Variants in CREBBP observed in about 807,000 individuals in gnomAD.
CREBBP encodes the protein CREB-binding protein.
Under a neutral mutation model 265.0 loss-of-function variants are expected in CREBBP, and 19 were observed. That is an observed-to-expected ratio of 0.07 (90% confidence interval 0.05 to 0.11). The LOEUF is 0.11. CREBBP is among the 10% of genes least tolerant of loss of function. CREBBP has a pLI of 1.00. For synonymous variants in CREBBP, 1,457 were observed against 1,223.7 expected (o/e 1.19, Z -3.98); for missense variants, 2,525 against 3,219.0 (o/e 0.78, Z 5.22).
intron 16 of CREBBP, among the ~76,000 whole-genome samples, chr16:3,761,403 C>T (rs1248763676): frequency 6.6e-6 from 1 of 152,156 alleles, no homozygotes; most frequent in Non-Finnish European, 1.5e-5. Context: ...TGGGGATGGT[C>T]TAACTTGACA....
chr16:3,744,208 C>T (rs995613552), intron 23 of CREBBP, among the ~76,000 whole-genome samples: 3 of 152,194 alleles, frequency 2.0e-5, no homozygotes, highest in African/African-American at 4.8e-5. Context: ...AGGCTCCTAC[C>T]GCTCCTGGGG....
At chr16:3,740,578 G>C (rs1359519773) in intron 23 of CREBBP, 29 bp from the exon 24 acceptor site, 1 of 1,613,960 alleles carries the variant, frequency 6.2e-7, no homozygotes, top group Non-Finnish European at 8.5e-7. Context: ...GCAGGTGAGA[G>C]GGCTTCAACA....
intron 2 of CREBBP, among the ~76,000 whole-genome samples, chr16:3,835,576 CTTTT>C (rs1021938849): frequency 4.3e-5 from 5 of 117,480 alleles, no homozygotes; most frequent in African/African-American, 1.7e-4. Context: ...AAGATTTCTT[CTTTT>C]TTTTTTTTTT....
intron 2 of CREBBP, among the ~76,000 whole-genome samples, chr16:3,816,039 A>G (rs960998548): frequency 1.3e-5 from 2 of 152,218 alleles, no homozygotes; most frequent in African/African-American, 4.8e-5. Flanking sequence ...TCATTCAACA[A>G]CAGCCCATAC....
At chr16:3,786,149 G>A (rs2053382525) in intron 5 of CREBBP, among the ~76,000 whole-genome samples, 1 of 152,164 alleles carries the variant, frequency 6.6e-6, no homozygotes, top group Non-Finnish European at 1.5e-5. Context: ...GATCACTTGA[G>A]GTCAGGAGTT....
At position 3,835,030 on chromosome 16, in the gene CREBBP, C is replaced by G. The variant is rs1183465115; in HGVS notation, c.798+15267G>C. On this transcript the variant is annotated intron_variant, in intron 2 of 30. Coordinates refer to ENST00000262367, the MANE Select transcript of CREBBP (RefSeq NM_004380.3). ...AAAATTGGCCGGGCATGGTGGCAGGCGCCTGTAGTTCCAGCTACTAAGGGA... is the reference window on the plus strand; with the variant it reads ...AAAATTGGCCGGGCATGGTGGCAGGGGCCTGTAGTTCCAGCTACTAAGGGA... 2.0e-5 allele frequency among the ~76,000 whole-genome samples: 3 copies of G among 152,046 alleles called. No individual in the cohort carries two copies. In the South Asian group the frequency reaches 6.2e-4, roughly 32 times the overall value.
rs760249549 is a variant in CREBBP at position 3,773,689 on chromosome 16, A to T, written c.2463+62T>A. ...CCACGAAGGAAGACAGAAAAAAAAA[A>T]CCAAAACTTAACACAAGAATTTTAT... On this transcript the variant is annotated intron_variant, in intron 13 of 30. Transcript: ENST00000262367. The T allele has an allele frequency of 5.1e-6, 8 of 1,571,494 alleles. 1 individual carries two copies. In the South Asian group the frequency reaches 9.2e-5, roughly 18 times the overall value.
At chr16:3,776,108 G>A (rs1164525138) in intron 11 of CREBBP, among the ~76,000 whole-genome samples, 1 of 151,920 alleles carries the variant, frequency 6.6e-6, no homozygotes, top group Non-Finnish European at 1.5e-5. Flanking sequence ...ATAGAGACGG[G>A]GGTTTCACCA....
intron 21 of CREBBP, among the ~76,000 whole-genome samples, chr16:3,748,563 T>G (rs1476513430): frequency 6.6e-6 from 1 of 152,204 alleles, no homozygotes; most frequent in African/African-American, 2.4e-5. Context: ...TGCTTGCCAC[T>G]CTAGCCACTG....
At chr16:3,787,073 A>C (rs1379226829) in intron 5 of CREBBP, among the ~76,000 whole-genome samples, 2 of 151,078 alleles carry the variant, frequency 1.3e-5, no homozygotes. Context: ...TTCGTCTCAA[A>C]AAAAAAAAAA....
intron 25 of CREBBP, 54 bp downstream of exon 25, chr16:3,739,524 C>T (rs1389598018): frequency 1.2e-6 from 2 of 1,610,394 alleles, no homozygotes; most frequent in Non-Finnish European, 1.7e-6. Flanking sequence ...GAGCCCTGGT[C>T]TATCCTAACA....
chr16:3,810,456 G>A, intron 3 of CREBBP, 147 bp downstream of exon 3: 1 of 888,696 alleles, frequency 1.1e-6, no homozygotes, highest in Non-Finnish European at 1.9e-6. Context: ...AACTCATTTA[G>A]AGAGCTACTC....
At chr16:3,791,913 C>G (rs2053516497) in intron 5 of CREBBP, 68 bp downstream of exon 5, 1 of 1,360,636 alleles carries the variant, frequency 7.3e-7, no homozygotes, top group Non-Finnish European at 1.1e-6. Flanking sequence ...CCTACCTACT[C>G]TCTGAATTTT....
At position 3,727,654 on chromosome 16, in the gene CREBBP, T is replaced by C. The variant is rs922142096; in HGVS notation, c.*64A>G. 6.2e-7 allele frequency: 1 copy of C among 1,613,492 alleles called. No individual in the cohort carries two copies. Among genetic ancestry groups the C allele is most frequent in the Non-Finnish European group, 8.5e-7 (1 of 1,179,984 alleles). On this transcript the variant is annotated 3_prime_UTR_variant, in exon 31 of 31. Transcript: ENST00000262367. ...CATCTAGGAATAAAAAGAACCTAGA[T>C]GCCTGGATTTTCAGTACAAAAGGTC... is the stretch of plus-strand genomic sequence containing the variant.
At chr16:3,822,913 G>C (rs758524281) in intron 2 of CREBBP, among the ~76,000 whole-genome samples, 49 of 152,174 alleles carry the variant, frequency 3.2e-4, no homozygotes, top group Non-Finnish European at 6.2e-4. Flanking sequence ...GCCTTGTTTC[G>C]AGAGAATACA....
intron 2 of CREBBP, among the ~76,000 whole-genome samples, chr16:3,824,459 A>T (rs2054200491): frequency 6.6e-6 from 1 of 152,254 alleles, no homozygotes; most frequent in South Asian, 2.1e-4. Context: ...ATGAACACGG[A>T]AACTGGAAAG....
chr16:3,750,789 G>T (rs1038980345), intron 20 of CREBBP, among the ~76,000 whole-genome samples: 2 of 152,210 alleles, frequency 1.3e-5, no homozygotes, highest in South Asian at 4.1e-4. Flanking sequence ...GAGAACACTG[G>T]AATCCATTAA....
intron 5 of CREBBP, among the ~76,000 whole-genome samples, chr16:3,787,729 G>A (rs1046471799): frequency 6.6e-6 from 1 of 151,826 alleles, no homozygotes. Context: ...GTGCGATCTT[G>A]GCTCACTGCA....
At chr16:3,856,503 T>C (rs1490575402) in intron 1 of CREBBP, among the ~76,000 whole-genome samples, 1 of 152,090 alleles carries the variant, frequency 6.6e-6, no homozygotes, top group Non-Finnish European at 1.5e-5. Flanking sequence ...TTTTTTTTTG[T>C]AGAGATGGGG....
Sources: allele counts gnomAD v4.1 joint callset (sites outside exome capture counted in the v4.1 genomes callset), GRCh38; gene constraint gnomAD v4.1.1; transcripts MANE v1.5; gene names NCBI Gene and HGNC (gene_info 2026-07-23, HGNC 2026-07-21).